The following SYN2 variants were observed in gnomAD, a reference collection of about 807,000 sequenced individuals.
SYN2 encodes synapsin II.
A neutral mutation model predicts 50.9 loss-of-function variants in SYN2; 19 were observed. The ratio of observed to expected loss-of-function variants is 0.37; its 90% CI spans 0.26 to 0.55. SYN2 has a LOEUF of 0.55. Among genes scored for constraint, SYN2 ranks in the 20% least tolerant of loss-of-function variants. The pLI is 0.81. For missense variants in SYN2, 587 were observed against 576.4 expected, an observed-to-expected ratio of 1.02 and a Z score of -0.19; for synonymous variants, 255 against 224.9, an observed-to-expected ratio of 1.13 and a Z score of -1.20.
At chr3:12,036,318 G>A (rs1694497216) in intron 1 of SYN2, among the ~76,000 whole-genome samples, 1 of 152,180 alleles carries the variant, frequency 6.6e-6, no homozygotes, top group Non-Finnish European at 1.5e-5. Context: ...ACAAGTCTCT[G>A]CGTTGGCCCC....
chr3:12,158,932 C>G (rs916363500), intron 5 of SYN2: 2 of 1,422,962 alleles, frequency 1.4e-6, no homozygotes, highest in Admixed American at 2.8e-5. Context: ...CCCCTCGCCC[C>G]AGGCTTTATG....
chr3:12,150,661 C>T (rs1245796913), intron 4 of SYN2, among the ~76,000 whole-genome samples: 3 of 152,176 alleles, frequency 2.0e-5, no homozygotes, highest in African/African-American at 4.8e-5. Flanking sequence ...CCCAGAAAGA[C>T]TGGGCCTGTC....
chr3:12,006,674 A>G (rs1016837120), intron 1 of SYN2, among the ~76,000 whole-genome samples: 2 of 152,306 alleles, frequency 1.3e-5, no homozygotes, highest in South Asian at 4.1e-4. Flanking sequence ...CCTCACTATT[A>G]TTATTAGCAA....
chr3:12,158,562 C>G (rs1697529796), intron 5 of SYN2: 1 of 1,290,466 alleles, frequency 7.7e-7, no homozygotes, highest in African/African-American at 1.5e-5. Context: ...TGGTCCTTCT[C>G]CACCCATCAG....
intron 1 of SYN2, among the ~76,000 whole-genome samples, chr3:12,081,714 A>T (rs1402743337): frequency 6.6e-6 from 1 of 152,124 alleles, no homozygotes; most frequent in Non-Finnish European, 1.5e-5. Context: ...CTTCCACCAC[A>T]TATGCCCCCT....
chr3:12,056,078 G>C (rs1469896363), intron 1 of SYN2, among the ~76,000 whole-genome samples: 5 of 152,046 alleles, frequency 3.3e-5, no homozygotes, highest in Non-Finnish European at 7.4e-5. Flanking sequence ...AGATGCTCCA[G>C]GCTCTTGAAC....
Position 12,162,213 on chromosome 3 carries a change from A to C in SYN2, c.980+59A>C, listed in dbSNP as rs1697670713. On this transcript the variant is annotated intron_variant, in intron 7 of 12. Coordinates refer to ENST00000621198, the MANE Select transcript of SYN2 (RefSeq NM_133625.6). ...GATGATGGAAAAGCTGAGCCTCCACATTGCAGCCAACTCTCAGATAACAGA... is the reference window on the plus strand; with the variant it reads ...GATGATGGAAAAGCTGAGCCTCCACCTTGCAGCCAACTCTCAGATAACAGA... 5.1e-6 allele frequency: 8 copies of C among 1,581,504 alleles called. No homozygotes were observed. In the South Asian group the frequency reaches 9.3e-5, roughly 18 times the overall value.
intron 5 of SYN2, among the ~76,000 whole-genome samples, chr3:12,154,072 C>T (rs1697381448): frequency 6.6e-6 from 1 of 152,188 alleles, no homozygotes. Flanking sequence ...ATTACAGTGG[C>T]TGGCAAAGAA....
At position 12,066,063 on chromosome 3, in the gene SYN2, A is replaced by G. The variant is rs113278280; in HGVS notation, c.377+61135A>G. Among the ~76,000 whole-genome samples, 1,179 of 152,264 alleles carry G rather than the reference A, an allele frequency of 7.7e-3. 11 individuals are homozygous for G. The highest frequency in any genetic ancestry group is 0.027 in the African/African-American group (1,118 of 41,544). Reference sequence around the variant, plus strand: ...GGTAACAAAAATACTCTAGAATTAGATAGTGGTAAATATACTAAACCCTAC... The same window carrying G: ...GGTAACAAAAATACTCTAGAATTAGGTAGTGGTAAATATACTAAACCCTAC... On this transcript the variant is annotated intron_variant, in intron 1 of 12. Coordinates refer to ENST00000621198, the MANE Select transcript of SYN2 (RefSeq NM_133625.6).
At chr3:12,172,525 A>T (rs1697959425) in intron 10 of SYN2, among the ~76,000 whole-genome samples, 1 of 152,244 alleles carries the variant, frequency 6.6e-6, no homozygotes, top group African/African-American at 2.4e-5. Flanking sequence ...AGGGTTTCAA[A>T]CACAAAACTT....
chr3:12,115,884 AC>A (rs1364021228), intron 1 of SYN2, among the ~76,000 whole-genome samples: 9 of 152,232 alleles, frequency 5.9e-5, no homozygotes, highest in South Asian at 4.2e-4. Context: ...ATCTCTGTAC[AC>A]CCATCTCCTA....
At chr3:12,163,406 T>TA (rs1213734312) in intron 7 of SYN2, among the ~76,000 whole-genome samples, 1 of 151,830 alleles carries the variant, frequency 6.6e-6, no homozygotes, top group Non-Finnish European at 1.5e-5. Context: ...TTTCTTCTCT[T>TA]ACCCCCCCTT....
intron 10 of SYN2, among the ~76,000 whole-genome samples, chr3:12,180,605 G>A (rs921425919): frequency 6.6e-6 from 1 of 152,182 alleles, no homozygotes; most frequent in Non-Finnish European, 1.5e-5. Context: ...GACAGTCCTT[G>A]GGAATTCTCC....
chr3:12,092,221 C>G (rs1335854900), intron 1 of SYN2, among the ~76,000 whole-genome samples: 1 of 152,156 alleles, frequency 6.6e-6, no homozygotes, highest in Admixed American at 6.5e-5. Context: ...AATTCCTTCA[C>G]TATTAAATGG....
intron 3 of SYN2, among the ~76,000 whole-genome samples, chr3:12,142,750 T>G (rs1362248653): frequency 6.6e-6 from 1 of 152,112 alleles, no homozygotes; most frequent in African/African-American, 2.4e-5. Context: ...AGGAGCTCAT[T>G]ATGGCTTCAG....
In SYN2 at chr3:12,026,432, A is replaced by G. The variant is rs17035685; in HGVS notation, c.377+21504A>G. Among the ~76,000 whole-genome samples the G allele has an allele frequency of 1.2e-3, 176 of 152,220 alleles. 3 individuals are homozygous for G. In the East Asian group the frequency reaches 0.032, roughly 28 times the overall value. On this transcript the variant is annotated intron_variant, in intron 1 of 12. Transcript: ENST00000621198. ...AAAAAAATATATATACAAGGCCTTC[A>G]TGCTACCCTCTGATCACTATGAGAA...
intron 11 of SYN2, chr3:12,183,730 A>T: frequency 8.3e-7 from 1 of 1,202,106 alleles, no homozygotes; most frequent in Non-Finnish European, 1.0e-6. Context: ...GTGTGACTTT[A>T]TCTTCTGGGT....
At chr3:12,153,426 T>C in intron 5 of SYN2, 1 of 1,451,958 alleles carries the variant, frequency 6.9e-7, no homozygotes, top group Non-Finnish European at 9.6e-7. Flanking sequence ...CAGCAAGAGG[T>C]CAGGTGGTAA....
intron 1 of SYN2, among the ~76,000 whole-genome samples, chr3:12,025,033 G>C (rs951069132): frequency 6.6e-6 from 1 of 152,134 alleles, no homozygotes; most frequent in African/African-American, 2.4e-5. Flanking sequence ...TGAGATCAGG[G>C]TGCCAGCGTG....
Sources: allele counts gnomAD v4.1 joint callset (sites outside exome capture counted in the v4.1 genomes callset), GRCh38; gene constraint gnomAD v4.1.1; transcripts MANE v1.5; gene names NCBI Gene and HGNC (gene_info 2026-07-23, HGNC 2026-07-21).